Variants in ABL1 observed in about 807,000 individuals in gnomAD.
ABL1 encodes the protein tyrosine-protein kinase ABL1.
A neutral mutation model predicts 94.7 loss-of-function variants in ABL1; 11 were observed. That is an observed-to-expected ratio of 0.12 (90% confidence interval 0.07 to 0.19). The LOEUF is 0.19. ABL1 is among the 10% of genes least tolerant of loss of function. The probability of loss-of-function intolerance (pLI) is 1.00; values close to 1 mark genes in which losing one functional copy is unlikely to be tolerated. For synonymous variants in ABL1, 656 were observed against 622.4 expected (o/e 1.05, Z -0.80); for missense variants, 1,082 against 1,489.4 (o/e 0.73, Z 4.50).
chr9:130,815,685 G>A (rs879728268), intron 1 of ABL1, among the ~76,000 whole-genome samples: 17 of 151,958 alleles, frequency 1.1e-4, no homozygotes, highest in Admixed American at 3.3e-4. Flanking sequence ...TTTCTGTCTC[G>A]CCTCAGCTGC....
Position 130,887,223 on chromosome 9 carries a change from C to T in ABL1, c.*1540C>T, listed in dbSNP as rs1431245173. On this transcript the variant is annotated 3_prime_UTR_variant, in exon 11 of 11. Transcript: ENST00000318560. ...GCACAGGCCCTAGCTTTACGCTCAT[C>T]ACCTAAACTTGTACTTTATTTTTCT... 8.6e-6 allele frequency: 2 copies of T among 233,130 alleles called. No individual in the cohort carries two copies. Among genetic ancestry groups the T allele is most frequent in the African/African-American group, 4.4e-5 (2 of 45,358 alleles). 14.4% of individuals were successfully genotyped at this position (233,130 alleles called of 1,614,324 possible).
intron 1 of ABL1, among the ~76,000 whole-genome samples, chr9:130,811,543 G>A (rs183625789): frequency 6.7e-4 from 102 of 152,244 alleles, no homozygotes; most frequent in African/African-American, 2.4e-3. Context: ...TACATGTGAA[G>A]TTGTATAATG....
In ABL1 at chr9:130,878,352, T is replaced by A; in HGVS notation, c.1271-63T>A. 14 of 1,583,228 alleles carry A rather than the reference T, an allele frequency of 8.8e-6. No individual in the cohort carries two copies. The South Asian group carries it at 1.6e-4, about 18-fold the overall frequency. On this transcript the variant is annotated intron_variant, in intron 7 of 10. Coordinates refer to ENST00000318560, the MANE Select transcript of ABL1 (RefSeq NM_005157.6). ...GGTCTGCTGCAAAGGTAACTGATTT[T>A]AAATGTAGTGTAGTGAAATGCTACA... is the stretch of plus-strand genomic sequence containing the variant.
chr9:130,875,141 CCTTT>C (rs1254555318), intron 7 of ABL1, 89 bp downstream of exon 7: 215 of 1,404,718 alleles, frequency 1.5e-4, no homozygotes, highest in Non-Finnish European at 1.9e-4. Flanking sequence ...TTCTTTTCTT[CCTTT>C]CTTTTTGTTT....
chr9:130,780,199 A>G (rs34918876), intron 1 of ABL1, among the ~76,000 whole-genome samples: 4,129 of 152,302 alleles, frequency 0.027, 67 homozygotes, highest in Admixed American at 0.038. Flanking sequence ...AGGCAGGAGA[A>G]TCGCTTGAAC....
chr9:130,739,736 A>G (rs765378193), intron 1 of ABL1, among the ~76,000 whole-genome samples: 1 of 152,146 alleles, frequency 6.6e-6, no homozygotes, highest in Non-Finnish European at 1.5e-5. Flanking sequence ...TGGTAAGTCC[A>G]CATCATTGCT....
At chr9:130,850,194 T>A (rs901572493) in intron 1 of ABL1, among the ~76,000 whole-genome samples, 1 of 152,232 alleles carries the variant, frequency 6.6e-6, no homozygotes, top group Non-Finnish European at 1.5e-5. Flanking sequence ...ATTACTTGGT[T>A]GATATGAAAC....
rs879463819 is a variant in ABL1, at chr9:130,887,611, G to GT, written c.*1936dup. On this transcript the variant is annotated 3_prime_UTR_variant, in exon 11 of 11. Coordinates refer to ENST00000318560, the MANE Select transcript of ABL1 (RefSeq NM_005157.6). ...TTGTTTCTGTATATGATTCTCTGTG[G>GT]TTTTTTTTGAATCCAAATCTGTCCT... 4.2e-4 allele frequency: 97 copies of GT among 230,722 alleles called. No individual in the cohort carries two copies. The highest frequency in any genetic ancestry group is 7.4e-4 in the Non-Finnish European group (86 of 116,364). 14.3% of individuals were successfully genotyped at this position (230,722 alleles called of 1,614,324 possible). A position where few individuals can be genotyped will look rare whatever the true frequency, so the allele number is the denominator to read the frequency against.
intron 1 of ABL1, among the ~76,000 whole-genome samples, chr9:130,725,824 GTTTTTT>G (rs34517462): frequency 2.9e-4 from 22 of 75,996 alleles, no homozygotes; most frequent in African/African-American, 1.1e-3. Context: ...GTGTATGGTG[GTTTTTT>G]TTTTTTTTTT....
intron 1 of ABL1, among the ~76,000 whole-genome samples, chr9:130,783,751 GT>G (rs759609404): frequency 6.6e-6 from 1 of 152,110 alleles, no homozygotes; most frequent in Non-Finnish European, 1.5e-5. Flanking sequence ...TGCCTCCTGG[GT>G]TCAAGCGATT....
At chr9:130,761,976 T>C (rs568101399) in intron 1 of ABL1, among the ~76,000 whole-genome samples, 1 of 152,010 alleles carries the variant, frequency 6.6e-6, no homozygotes, top group Non-Finnish European at 1.5e-5. Flanking sequence ...AACCCCCGTC[T>C]CTACTAAAAA....
intron 1 of ABL1, among the ~76,000 whole-genome samples, chr9:130,808,205 C>G (rs909934877): frequency 6.7e-6 from 1 of 149,888 alleles, no homozygotes; most frequent in African/African-American, 2.5e-5. Flanking sequence ...AACCTTTATC[C>G]TAATTTCTTT....
At chr9:130,776,424 C>T (rs1420012188) in intron 1 of ABL1, among the ~76,000 whole-genome samples, 5 of 152,180 alleles carry the variant, frequency 3.3e-5, no homozygotes, top group South Asian at 4.1e-4. Context: ...GGCGAAACCC[C>T]GTCTCTACTA....
At chr9:130,882,147 T>C (rs763158057) in intron 10 of ABL1, among the ~76,000 whole-genome samples, 1 of 152,150 alleles carries the variant, frequency 6.6e-6, no homozygotes, top group East Asian at 1.9e-4. Flanking sequence ...GGCTGAGCAG[T>C]AGGGAGGAGA....
At chr9:130,867,496 G>A (rs1831175238) in intron 4 of ABL1, among the ~76,000 whole-genome samples, 1 of 152,164 alleles carries the variant, frequency 6.6e-6, no homozygotes, top group Admixed American at 6.5e-5. Flanking sequence ...ACTGGATCAG[G>A]GACCATGTGC....
chr9:130,801,554 C>T (rs1476676930), intron 1 of ABL1, among the ~76,000 whole-genome samples: 1 of 152,202 alleles, frequency 6.6e-6, no homozygotes, highest in African/African-American at 2.4e-5. Context: ...TTTTCTCCTT[C>T]ATCTGAAGAT....
At chr9:130,761,189 G>T (rs1170193188) in intron 1 of ABL1, among the ~76,000 whole-genome samples, 1 of 152,066 alleles carries the variant, frequency 6.6e-6, no homozygotes, top group Non-Finnish European at 1.5e-5. Flanking sequence ...GGATGGTCTC[G>T]ATCTCCTGAC....
chr9:130,778,307 C>T (rs950069115), intron 1 of ABL1, among the ~76,000 whole-genome samples: 4 of 150,004 alleles, frequency 2.7e-5, no homozygotes, highest in Non-Finnish European at 5.9e-5. Context: ...GACACTGACT[C>T]ACTGCATTAG....
intron 1 of ABL1, among the ~76,000 whole-genome samples, chr9:130,798,690 C>T (rs998788835): frequency 6.6e-6 from 1 of 152,036 alleles, no homozygotes; most frequent in African/African-American, 2.4e-5. Flanking sequence ...AAGGGGGGGC[C>T]GGGCATGGTG....
Sources: allele counts gnomAD v4.1 joint callset (sites outside exome capture counted in the v4.1 genomes callset), GRCh38; gene constraint gnomAD v4.1.1; transcripts MANE v1.5; gene names NCBI Gene and HGNC (gene_info 2026-07-23, HGNC 2026-07-21).